Variants in VSIG10 observed in about 807,000 individuals in gnomAD.
The protein encoded by VSIG10 is V-set and immunoglobulin domain containing 10, also known as V-set and immunoglobulin domain-containing protein 10.
A neutral mutation model predicts 58.7 loss-of-function variants in VSIG10; 48 were observed. The ratio of observed to expected loss-of-function variants is 0.82; its 90% CI spans 0.65 to 1.04. The LOEUF is 1.04. Ranked by LOEUF, VSIG10 falls within the 50% of genes least tolerant of loss-of-function variation. The probability of loss-of-function intolerance (pLI) is 0.00; values close to 1 mark genes in which losing one functional copy is unlikely to be tolerated. For missense variants in VSIG10, 628 were observed against 670.0 expected (o/e 0.94, Z 0.69); for synonymous variants, 260 against 267.1 (o/e 0.97, Z 0.26).
At chr12:118,091,491 CAA>C (rs34366147) in intron 2 of VSIG10, among the ~76,000 whole-genome samples, 37 of 107,032 alleles carry the variant, frequency 3.5e-4, no homozygotes, top group Non-Finnish European at 2.9e-4. Context: ...GACTCTGTCT[CAA>C]AAAAAAAAAA....
intron 8 of VSIG10, among the ~76,000 whole-genome samples, chr12:118,067,435 C>A (rs1406051609): frequency 6.6e-6 from 1 of 150,634 alleles, no homozygotes; most frequent in African/African-American, 2.4e-5. Flanking sequence ...ATTTCCCCTG[C>A]AGGTTTTAGT....
intron 1 of VSIG10, among the ~76,000 whole-genome samples, chr12:118,098,495 A>G (rs1429891397): frequency 6.6e-6 from 1 of 152,210 alleles, no homozygotes; most frequent in South Asian, 2.1e-4. Context: ...CACTCTGGAC[A>G]AAGCACTGGG....
Position 118,065,477 on chromosome 12 carries a change from C to G in VSIG10, c.*1162G>C, listed in dbSNP as rs956165886. ...TCCAGGGAAATAAAACTGGTTAAGACAGTGCTCTGATATGCTTAGTTTAGT... is the reference window on the plus strand; with the variant it reads ...TCCAGGGAAATAAAACTGGTTAAGAGAGTGCTCTGATATGCTTAGTTTAGT... On this transcript the variant is annotated 3_prime_UTR_variant, in exon 9 of 9. Coordinates refer to ENST00000359236, the MANE Select transcript of VSIG10 (RefSeq NM_019086.6). 3.9e-5 allele frequency: 6 copies of G among 152,232 alleles called. No individual in the cohort carries two copies. Among genetic ancestry groups the G allele is most frequent in the Admixed American group, 2.6e-4 (4 of 15,288 alleles). The allele number at this position is 152,232 out of a possible 1,614,324, so 9.4% of individuals were successfully genotyped here. A position where few individuals can be genotyped will look rare whatever the true frequency, so the allele number is the denominator to read the frequency against.
chr12:118,079,707 C>A lies in VSIG10; in HGVS notation c.665-101G>T, dbSNP rs777503481. On this transcript the variant is annotated intron_variant, in intron 3 of 8. Transcript: ENST00000359236. ...CAGAACCAGGGTCTCAGAGGGACAT[C>A]AACCCCAGTTAGTGTTAGCATCTAA... 4.0e-6 allele frequency: 6 copies of A among 1,488,568 alleles called. No homozygotes were observed. In the African/African-American group the frequency reaches 8.3e-5, roughly 21 times the overall value. The allele number at this position is 1,488,568 out of a possible 1,614,324, so 92.2% of individuals were successfully genotyped here. A position where few individuals can be genotyped will look rare whatever the true frequency, so the allele number is the denominator to read the frequency against.
intron 2 of VSIG10, among the ~76,000 whole-genome samples, chr12:118,089,649 A>G (rs764725000): frequency 2.6e-5 from 4 of 152,118 alleles, no homozygotes; most frequent in Non-Finnish European, 4.4e-5. Flanking sequence ...GAATTTATCT[A>G]TGGCCTCTCC....
intron 1 of VSIG10, among the ~76,000 whole-genome samples, chr12:118,097,218 G>C (rs1455368986): frequency 1.3e-5 from 2 of 152,170 alleles, no homozygotes; most frequent in Non-Finnish European, 2.9e-5. Context: ...TCTTTGTGAG[G>C]ACTCAGCCAT....
intron 8 of VSIG10, among the ~76,000 whole-genome samples, chr12:118,066,966 C>G (rs2032270393): frequency 6.6e-6 from 1 of 152,130 alleles, no homozygotes; most frequent in Non-Finnish European, 1.5e-5. Context: ...CTGCTTATTC[C>G]AACTCAGCCG....
chr12:118,100,701 T>A (rs1024291961), intron 1 of VSIG10, among the ~76,000 whole-genome samples: 1 of 152,138 alleles, frequency 6.6e-6, no homozygotes, highest in African/African-American at 2.4e-5. Context: ...GCTAAGTTTT[T>A]GTATTTTTGT....
Position 118,079,304 on chromosome 12 carries a change from G to A in VSIG10, c.925+42C>T. 4 of 1,598,802 alleles carry A rather than the reference G, an allele frequency of 2.5e-6. No individual in the cohort carries two copies. In the South Asian group the frequency reaches 4.4e-5, roughly 18 times the overall value. On this transcript the variant is annotated intron_variant, in intron 4 of 8. Coordinates refer to ENST00000359236, the MANE Select transcript of VSIG10 (RefSeq NM_019086.6). ...AATGCTTCTCCTAGGAGAAAGGAAG[G>A]CAGGGAAACTCCAACCCCAAGACAA...
intron 8 of VSIG10, 117 bp downstream of exon 8, chr12:118,068,260 T>TGAA: frequency 1.1e-6 from 1 of 913,478 alleles, no homozygotes; most frequent in Non-Finnish European, 1.6e-6. Context: ...GTCTTGAACT[T>TGAA]CTGGGCTTAA....
In VSIG10 at chr12:118,063,647, C is replaced by A. The variant is rs2032149583; in HGVS notation, c.*2992G>T. 1.3e-5 allele frequency: 2 copies of A among 152,056 alleles called. No individual in the cohort carries two copies. Among genetic ancestry groups the A allele is most frequent in the Non-Finnish European group, 2.9e-5 (2 of 68,020 alleles). 9.4% of individuals were successfully genotyped at this position (152,056 alleles called of 1,614,324 possible). A position where few individuals can be genotyped will look rare whatever the true frequency, so the allele number is the denominator to read the frequency against. On this transcript the variant is annotated 3_prime_UTR_variant, in exon 9 of 9. Transcript: ENST00000359236. ...TTTTAAAAAAGGCATATGATAACCT[C>A]AGAACTAATTTCTCCCAACCTCCCC... is the stretch of plus-strand genomic sequence containing the variant.
At chr12:118,078,565 A>C (rs1353933648) in intron 4 of VSIG10, among the ~76,000 whole-genome samples, 1 of 152,148 alleles carries the variant, frequency 6.6e-6, no homozygotes, top group Non-Finnish European at 1.5e-5. Context: ...TGTCATGAGC[A>C]GAAGCAGCCT....
Position 118,066,700 on chromosome 12 carries a change from T to A in VSIG10, c.1568-6A>T, listed in dbSNP as rs1238319950. 3 of 1,596,040 alleles carry A rather than the reference T, an allele frequency of 1.9e-6. No individual in the cohort carries two copies. Among genetic ancestry groups the A allele is most frequent in the Admixed American group, 1.7e-5 (1 of 57,220 alleles). On this transcript the variant is annotated splice_polypyrimidine_tract_variant and splice_region_variant and intron_variant, in intron 8 of 8. Coordinates refer to ENST00000359236, the MANE Select transcript of VSIG10 (RefSeq NM_019086.6). Reference sequence around the variant, plus strand: ...TTGCTCCTCACTGCTGTCATCTGTATGGGGGGAAATAAACCCAATGCTTTG... The same window carrying A: ...TTGCTCCTCACTGCTGTCATCTGTAAGGGGGGAAATAAACCCAATGCTTTG...
intron 5 of VSIG10, among the ~76,000 whole-genome samples, chr12:118,071,697 T>G (rs893723979): frequency 1.4e-4 from 21 of 152,242 alleles, no homozygotes; most frequent in Middle Eastern, 3.2e-3. Context: ...TTAAAATCTC[T>G]CTGTCTACCA....
chr12:118,092,386 A>C (rs1328914215), intron 2 of VSIG10, among the ~76,000 whole-genome samples: 1 of 151,942 alleles, frequency 6.6e-6, no homozygotes, highest in East Asian at 1.9e-4. Context: ...TGTCTACTAA[A>C]CTACATGCCC....
intron 2 of VSIG10, among the ~76,000 whole-genome samples, chr12:118,087,854 A>AG (rs2033173418): frequency 3.5e-5 from 5 of 144,250 alleles, no homozygotes; most frequent in Non-Finnish European, 7.8e-5. Flanking sequence ...AAAAAAAAAA[A>AG]AAGAGAGAGA....
intron 7 of VSIG10, 32 bp downstream of exon 7, chr12:118,071,020 G>A: frequency 6.3e-7 from 1 of 1,598,772 alleles, no homozygotes; most frequent in African/African-American, 1.3e-5. Flanking sequence ...ATGCGGGAAT[G>A]GGTGTTTGGT....
rs149410557 is a variant in VSIG10 at position 118,088,017 on chromosome 12, G to A, written c.362-5588C>T. On this transcript the variant is annotated intron_variant, in intron 2 of 8. Coordinates refer to ENST00000359236, the MANE Select transcript of VSIG10 (RefSeq NM_019086.6). ...TCCCAGGACTTTGGGAGGCCGAGGC[G>A]GGTGGATCACGAGGTTAGGAGTTCA... is the stretch of plus-strand genomic sequence containing the variant. Among the ~76,000 whole-genome samples, 956 of 151,942 alleles carry A rather than the reference G, an allele frequency of 6.3e-3. 5 individuals are homozygous for A. Among genetic ancestry groups the A allele is most frequent in the Non-Finnish European group, 0.011 (719 of 67,964 alleles).
At position 118,098,281 on chromosome 12, in the gene VSIG10, C is replaced by T. The variant is rs996029884; in HGVS notation, c.80-2467G>A. Reference sequence around the variant, plus strand: ...TCTCTCTCCGCCTCTCCCTCTCTCTCCGCCTCTCCCTCTCTCTCCGCCTCT... The same window carrying T: ...TCTCTCTCCGCCTCTCCCTCTCTCTTCGCCTCTCCCTCTCTCTCCGCCTCT... On this transcript the variant is annotated intron_variant, in intron 1 of 8. Coordinates refer to ENST00000359236, the MANE Select transcript of VSIG10 (RefSeq NM_019086.6). Among the ~76,000 whole-genome samples the T allele has an allele frequency of 4.4e-3, 564 of 128,338 alleles. 6 individuals carry two copies. The highest frequency in any genetic ancestry group is 0.016 in the African/African-American group (547 of 33,794). 84.2% of individuals were successfully genotyped at this position (128,338 alleles called of 152,430 possible). A position where few individuals can be genotyped will look rare whatever the true frequency, so the allele number is the denominator to read the frequency against.
Sources: gnomAD v4.1 joint callset for allele counts (sites outside exome capture counted in the v4.1 genomes callset) on GRCh38, gnomAD v4.1.1 for gene constraint, MANE v1.5 for transcripts, NCBI Gene and HGNC (gene_info 2026-07-23, HGNC 2026-07-21) for gene names.